ASIC2: variants seen among roughly 807,000 people sequenced by gnomAD.
The protein encoded by ASIC2 is acid sensing ion channel subunit 2, also known as acid-sensing ion channel 2.
ASIC2 carries 25 observed loss-of-function variants against 57.3 expected under a neutral mutation model. The observed-to-expected ratio is 0.44, with a 90% CI of 0.32 to 0.61. The LOEUF (loss-of-function observed/expected upper bound fraction) is 0.61, where lower values mean the gene tolerates loss of function less well. ASIC2 is among the 20% of genes least tolerant of loss of function. ASIC2 has a pLI of 0.06. For missense variants in ASIC2, 641 were observed against 738.1 expected (o/e 0.87, Z 1.52); for synonymous variants, 319 against 307.5 (o/e 1.04, Z -0.39).
chr17:33,125,418 G>C (rs1027704721), intron 1 of ASIC2, among the ~76,000 whole-genome samples: 1 of 152,280 alleles, frequency 6.6e-6, no homozygotes, highest in East Asian at 1.9e-4. Context: ...AGGGGAGTGT[G>C]GTTTTCATTG....
At chr17:34,074,496 T>C (rs943222251) in intron 1 of ASIC2, among the ~76,000 whole-genome samples, 1 of 152,176 alleles carries the variant, frequency 6.6e-6, no homozygotes, top group African/African-American at 2.4e-5. Context: ...TCTTTACAAG[T>C]GTACTTTTCC....
intron 1 of ASIC2, among the ~76,000 whole-genome samples, chr17:34,028,373 G>A (rs1907456799): frequency 6.6e-6 from 1 of 152,142 alleles, no homozygotes; most frequent in Non-Finnish European, 1.5e-5. Context: ...GAGAGGCTGT[G>A]CTTTTAGACA....
intron 1 of ASIC2, among the ~76,000 whole-genome samples, chr17:34,102,897 A>G (rs1306951262): frequency 1.3e-5 from 2 of 152,214 alleles, no homozygotes; most frequent in Non-Finnish European, 1.5e-5. Context: ...CATTTTCTCC[A>G]GTAATGGACA....
At chr17:33,408,407 T>A (rs967105342) in intron 1 of ASIC2, among the ~76,000 whole-genome samples, 4 of 152,138 alleles carry the variant, frequency 2.6e-5, no homozygotes, top group Non-Finnish European at 4.4e-5. Context: ...CAGTACAATG[T>A]AGTGAAAAGA....
chr17:33,599,817 G>A (rs1905079848), intron 1 of ASIC2, among the ~76,000 whole-genome samples: 1 of 152,176 alleles, frequency 6.6e-6, no homozygotes, highest in Non-Finnish European at 1.5e-5. Context: ...TGCTCCTCTG[G>A]GGAGGGTTGG....
At chr17:33,418,028 ATGTGTGTG>A (rs1161141315) in intron 1 of ASIC2, among the ~76,000 whole-genome samples, 35 of 67,826 alleles carry the variant, frequency 5.2e-4, no homozygotes, top group South Asian at 2.1e-3. Context: ...GCATGTATGT[ATGTGTGTG>A]TGTGTGTGTG....
chr17:34,137,252 A>C (rs1912152675), intron 1 of ASIC2, among the ~76,000 whole-genome samples: 1 of 152,234 alleles, frequency 6.6e-6, no homozygotes, highest in Non-Finnish European at 1.5e-5. Flanking sequence ...TGAATGAATA[A>C]GTGGACATCA....
chr17:33,579,960 T>C (rs559761281), intron 1 of ASIC2: 1 of 152,234 alleles, frequency 6.6e-6, no homozygotes, highest in Non-Finnish European at 1.5e-5. Context: ...ATTGGTCCGT[T>C]TTTACAGAGT....
intron 1 of ASIC2, among the ~76,000 whole-genome samples, chr17:34,101,495 G>C (rs1383411209): frequency 1.3e-5 from 2 of 152,104 alleles, no homozygotes; most frequent in African/African-American, 2.4e-5. Context: ...GGTCACTGAG[G>C]GTTCCCACGC....
chr17:33,390,039 G>A (rs890761623), intron 1 of ASIC2, among the ~76,000 whole-genome samples: 3 of 152,054 alleles, frequency 2.0e-5, no homozygotes, highest in African/African-American at 4.8e-5. Context: ...CTGGCTGGGC[G>A]TGGTGGTTCA....
intron 1 of ASIC2, among the ~76,000 whole-genome samples, chr17:33,994,953 T>C (rs1490147680): frequency 6.6e-6 from 1 of 152,198 alleles, no homozygotes; most frequent in African/African-American, 2.4e-5. Flanking sequence ...TCTATATGTA[T>C]GATTTCAACT....
intron 1 of ASIC2, among the ~76,000 whole-genome samples, chr17:34,079,416 T>C (rs1909796402): frequency 1.3e-5 from 2 of 152,216 alleles, no homozygotes; most frequent in African/African-American, 4.8e-5. Flanking sequence ...CCTCCTCACC[T>C]TTTAAGTCTC....
chr17:33,068,787 A>C (rs1431581725), intron 3 of ASIC2, among the ~76,000 whole-genome samples: 2 of 152,164 alleles, frequency 1.3e-5, no homozygotes, highest in Non-Finnish European at 2.9e-5. Context: ...ATATCAAAAA[A>C]AATCTTTTGG....
chr17:33,103,024 C>T (rs1326774448), intron 2 of ASIC2, among the ~76,000 whole-genome samples: 1 of 152,168 alleles, frequency 6.6e-6, no homozygotes, highest in African/African-American at 2.4e-5. Flanking sequence ...ACCTCGTGAT[C>T]CGCCCGCCTT....
intron 1 of ASIC2, among the ~76,000 whole-genome samples, chr17:33,906,116 G>A (rs1027529817): frequency 4.7e-5 from 7 of 149,082 alleles, no homozygotes; most frequent in East Asian, 3.9e-4. Context: ...GTGAGCCATC[G>A]CACCTGGCCT....
intron 1 of ASIC2, among the ~76,000 whole-genome samples, chr17:33,704,156 C>T (rs568213361): frequency 4.5e-4 from 69 of 152,288 alleles, no homozygotes; most frequent in African/African-American, 1.6e-3. Flanking sequence ...ACACAATAAG[C>T]CTCAGCATTA....
chr17:33,619,208 A>G (rs952617792), intron 1 of ASIC2, among the ~76,000 whole-genome samples: 1 of 152,184 alleles, frequency 6.6e-6, no homozygotes, highest in Non-Finnish European at 1.5e-5. Flanking sequence ...ATTCAGTTTC[A>G]ATAATAATTT....
chr17:33,578,578 G>A (rs1020829589), intron 1 of ASIC2, among the ~76,000 whole-genome samples: 4 of 152,120 alleles, frequency 2.6e-5, no homozygotes, highest in Non-Finnish European at 5.9e-5. Context: ...AGTTTCCTTA[G>A]GGAAGCCTTT....
intron 1 of ASIC2, among the ~76,000 whole-genome samples, chr17:33,462,416 T>C (rs1912669725): frequency 6.6e-6 from 1 of 152,218 alleles, no homozygotes; most frequent in Admixed American, 6.5e-5. Flanking sequence ...TGTTCCTATG[T>C]GGATAAGGTG....
Sources: allele counts gnomAD v4.1 joint callset (sites outside exome capture counted in the v4.1 genomes callset), GRCh38; gene constraint gnomAD v4.1.1; transcripts MANE v1.5; gene names NCBI Gene and HGNC (gene_info 2026-07-23, HGNC 2026-07-21).